Variants in CRPPA observed in about 807,000 individuals in gnomAD.
CRPPA encodes D-ribitol-5-phosphate cytidylyltransferase.
In CRPPA, 43 loss-of-function variants were observed where a neutral mutation model predicts 52.0. The ratio of observed to expected loss-of-function variants is 0.83; its 90% CI spans 0.65 to 1.07. The LOEUF (loss-of-function observed/expected upper bound fraction) is 1.07. Among genes scored for constraint, CRPPA ranks in the 50% least tolerant of loss-of-function variants. The pLI is 0.00. For missense variants in CRPPA, 629 were observed against 551.7 expected, an observed-to-expected ratio of 1.14 and a Z score of -1.40; for synonymous variants, 250 against 203.5, an observed-to-expected ratio of 1.23 and a Z score of -1.94.
chr7:16,288,915 A>C (rs545289216), intron 5 of CRPPA, among the ~76,000 whole-genome samples: 204 of 151,570 alleles, frequency 1.3e-3, no homozygotes, highest in African/African-American at 4.7e-3. Context: ...TACAAAGATC[A>C]ACAAAATGAA....
intron 9 of CRPPA, among the ~76,000 whole-genome samples, chr7:16,199,050 A>C (rs1300729586): frequency 6.6e-6 from 1 of 152,050 alleles, no homozygotes; most frequent in Non-Finnish European, 1.5e-5. Context: ...ACACATTCAC[A>C]CTGACCAACC....
At chr7:16,166,959 C>T (rs1781079722) in intron 9 of CRPPA, among the ~76,000 whole-genome samples, 2 of 147,692 alleles carry the variant, frequency 1.4e-5, no homozygotes, top group Admixed American at 1.4e-4. Flanking sequence ...GATGGAGTCT[C>T]GTGCTTTCGC....
chr7:16,284,892 A>C (rs2128419259), intron 5 of CRPPA, among the ~76,000 whole-genome samples: 1 of 152,292 alleles, frequency 6.6e-6, no homozygotes, highest in South Asian at 2.1e-4. Flanking sequence ...CAGAATAGAA[A>C]AAATATATAA....
intron 9 of CRPPA, among the ~76,000 whole-genome samples, chr7:16,115,215 G>A (rs1299332193): frequency 6.6e-6 from 1 of 152,038 alleles, no homozygotes; most frequent in Non-Finnish European, 1.5e-5. Context: ...CTAAGACAAA[G>A]AACTATATAT....
intron 3 of CRPPA, among the ~76,000 whole-genome samples, chr7:16,360,197 T>C (rs10950616): frequency 0.11 from 16,209 of 152,258 alleles, 1,097 homozygotes; most frequent in East Asian, 0.36. Flanking sequence ...CTACAGTAAG[T>C]TCAGTTTTCT....
chr7:16,165,047 T>C (rs1242625139), intron 9 of CRPPA, among the ~76,000 whole-genome samples: 1 of 152,104 alleles, frequency 6.6e-6, no homozygotes, highest in Non-Finnish European at 1.5e-5. Flanking sequence ...GATCCGCTGC[T>C]ACCTTCACAG....
intron 9 of CRPPA, among the ~76,000 whole-genome samples, chr7:16,162,662 G>A (rs1780928267): frequency 6.6e-6 from 1 of 152,270 alleles, no homozygotes. Context: ...TGTTGACTTG[G>A]GGTGCAGAGT....
chr7:16,286,034 AAAAAATATAAAT>A (rs1562608257), intron 5 of CRPPA, among the ~76,000 whole-genome samples: 55 of 21,358 alleles, frequency 2.6e-3, no homozygotes, highest in African/African-American at 0.011. Flanking sequence ...AAAAAAAAAA[AAAAAATATAAAT>A]ATATATATAT....
At chr7:16,164,073 A>G (rs928709099) in intron 9 of CRPPA, among the ~76,000 whole-genome samples, 1 of 152,124 alleles carries the variant, frequency 6.6e-6, no homozygotes, top group Admixed American at 6.6e-5. Flanking sequence ...AGGTTGGGGA[A>G]GTTCTCCTGG....
chr7:16,311,794 G>A (rs1199015952), intron 3 of CRPPA, among the ~76,000 whole-genome samples: 2 of 152,074 alleles, frequency 1.3e-5, no homozygotes, highest in African/African-American at 4.8e-5. Context: ...GGTTGTGACA[G>A]GTTGAAAGTG....
At chr7:16,333,493 G>T (rs1785606233) in intron 3 of CRPPA, among the ~76,000 whole-genome samples, 1 of 152,144 alleles carries the variant, frequency 6.6e-6, no homozygotes. Flanking sequence ...ATGAATTTTT[G>T]AAATTAATGA....
chr7:16,245,465 C>T (rs1783243675), intron 8 of CRPPA, among the ~76,000 whole-genome samples: 1 of 152,176 alleles, frequency 6.6e-6, no homozygotes, highest in African/African-American at 2.4e-5. Context: ...GTCATATTCA[C>T]AATCACTGAC....
chr7:16,116,655 G>A (rs1343431687), intron 9 of CRPPA, among the ~76,000 whole-genome samples: 9 of 145,256 alleles, frequency 6.2e-5, no homozygotes, highest in Non-Finnish European at 1.1e-4. Context: ...AGCGAGACTC[G>A]GTCGAAAAAA....
chr7:16,387,066 T>TATATATATATATATATATACAC (rs1554352480), intron 2 of CRPPA, among the ~76,000 whole-genome samples: 26 of 109,036 alleles, frequency 2.4e-4, no homozygotes, highest in Non-Finnish European at 3.8e-4. Context: ...TATATATATA[T>TATATATATATATATATATACAC]ATATATATAT....
At chr7:16,299,080 A>T (rs186503522) in intron 5 of CRPPA, among the ~76,000 whole-genome samples, 38 of 152,322 alleles carry the variant, frequency 2.5e-4, no homozygotes, top group African/African-American at 8.4e-4. Context: ...ATATCTCTGT[A>T]CATCCTACTG....
chr7:16,168,419 G>A (rs191043877), intron 9 of CRPPA, among the ~76,000 whole-genome samples: 1 of 152,028 alleles, frequency 6.6e-6, no homozygotes, highest in African/African-American at 2.4e-5. Context: ...TTTATATGAT[G>A]GATAAAACTA....
chr7:16,382,647 G>C (rs1409455970), intron 2 of CRPPA, among the ~76,000 whole-genome samples: 1 of 151,938 alleles, frequency 6.6e-6, no homozygotes, highest in Non-Finnish European at 1.5e-5. Flanking sequence ...CGTAGATTTG[G>C]TCTTTTCACA....
In CRPPA at chr7:16,380,447, TTC is replaced by T. The variant is rs572559323; in HGVS notation, c.535-4208_535-4207del. ...GTTCATCAAGGATATTGGTCTAAAA[TTC>T]TCTTTTTTAGTTGTGTCTCTGCCCG... On this transcript the variant is annotated intron_variant, in intron 2 of 9. Coordinates refer to ENST00000407010, the MANE Select transcript of CRPPA (RefSeq NM_001101426.4). Among the ~76,000 whole-genome samples, 562 of 152,292 alleles carry T rather than the reference TTC, an allele frequency of 3.7e-3. 3 individuals carry two copies. The highest frequency in any genetic ancestry group is 0.013 in the African/African-American group (541 of 41,550).
intron 1 of CRPPA, among the ~76,000 whole-genome samples, chr7:16,419,245 T>C (rs935997208): frequency 2.6e-5 from 4 of 152,202 alleles, no homozygotes; most frequent in Non-Finnish European, 5.9e-5. Context: ...ATTCAGAAAG[T>C]AAAATAGTCA....
Sources: gnomAD v4.1 joint callset for allele counts (sites outside exome capture counted in the v4.1 genomes callset) on GRCh38, gnomAD v4.1.1 for gene constraint, MANE v1.5 for transcripts, NCBI Gene and HGNC (gene_info 2026-07-23, HGNC 2026-07-21) for gene names.